Variants in AGAP1 observed in about 807,000 individuals in gnomAD.
The protein encoded by AGAP1 is ArfGAP with GTPase domain, ankyrin repeat and PH domain 1.
Under a neutral mutation model 105.3 loss-of-function variants are expected in AGAP1, and 29 were observed. That is an observed-to-expected ratio of 0.28 (90% confidence interval 0.21 to 0.38). The LOEUF (loss-of-function observed/expected upper bound fraction) is 0.38, where lower values mean the gene tolerates loss of function less well. Among genes scored for constraint, AGAP1 ranks in the 10% least tolerant of loss-of-function variants. The probability of loss-of-function intolerance (pLI) is 1.00; values close to 1 mark genes in which losing one functional copy is unlikely to be tolerated. For synonymous variants in AGAP1, 509 were observed against 485.9 expected, an observed-to-expected ratio of 1.05 and a Z score of -0.63; for missense variants, 998 against 1,165.1, an observed-to-expected ratio of 0.86 and a Z score of 2.09.
chr2:235,996,870 A>T (rs2055838247), intron 13 of AGAP1, among the ~76,000 whole-genome samples: 1 of 152,256 alleles, frequency 6.6e-6, no homozygotes, highest in Admixed American at 6.5e-5. Context: ...AAAGAGATTA[A>T]TCCTTGCCAA....
intron 1 of AGAP1, among the ~76,000 whole-genome samples, chr2:235,580,735 G>GTGCCACTGTC (rs1944903290): frequency 6.6e-6 from 1 of 152,132 alleles, no homozygotes; most frequent in East Asian, 1.9e-4. Flanking sequence ...GTGGCACTTA[G>GTGCCACTGTC]ATGACAGTCA....
chr2:235,792,860 G>A lies in AGAP1; in HGVS notation c.674-4899G>A, dbSNP rs115846251. 4.4e-3 allele frequency among the ~76,000 whole-genome samples: 671 copies of A among 152,272 alleles called. 4 individuals carry two copies. The highest frequency in any genetic ancestry group is 0.02 in the East Asian group (103 of 5,160). On this transcript the variant is annotated intron_variant, in intron 6 of 17. Transcript: ENST00000304032. This position sits in a 1 kb window ranked among gnomAD's most constrained non-coding sequence, Gnocchi z 5.3. ...GGCAGGATGTGAGGCAGAGCTCTTC[G>A]TGGCAGTGGCGATCCTGGGAGCTCC...
chr2:235,771,970 CTTG>C (rs1353278339), intron 6 of AGAP1, among the ~76,000 whole-genome samples: 1 of 143,176 alleles, frequency 7.0e-6, no homozygotes, highest in African/African-American at 2.5e-5. Flanking sequence ...TGACATGTTT[CTTG>C]TTTCTTTTTT....
intron 6 of AGAP1, chr2:235,775,746 C>T (rs1955811699): frequency 6.6e-6 from 1 of 152,154 alleles, no homozygotes; most frequent in South Asian, 2.1e-4. Context: ...TTTACTTTGT[C>T]TTAAATTCTA....
chr2:236,125,410 G>A lies in AGAP1; in HGVS notation c.*1288G>A, dbSNP rs540629767. 8 of 152,360 alleles carry A rather than the reference G, an allele frequency of 5.3e-5. No homozygotes were observed. The highest frequency in any genetic ancestry group is 9.7e-5 in the African/African-American group (4 of 41,394). The allele number at this position is 152,360 out of a possible 1,614,324, so 9.4% of individuals were successfully genotyped here. On this transcript the variant is annotated 3_prime_UTR_variant, in exon 18 of 18. Transcript: ENST00000304032. The surrounding 1 kb of genome is among the most constrained non-coding windows in gnomAD (Gnocchi z 5.2). The stretch of plus-strand genomic sequence containing the variant: ...AAACACTTCCATTAATGTGATCTAC[G>A]GCTTTTGAAAAGGAGCATCTCAGAA...
At position 235,984,350 on chromosome 2, in the gene AGAP1, A is replaced by G. The variant is rs1395675731; in HGVS notation, c.1645+15727A>G. Among the ~76,000 whole-genome samples, 5 of 152,020 alleles carry G rather than the reference A, an allele frequency of 3.3e-5. 1 individual carries two copies. The South Asian group carries it at 6.3e-4, about 19-fold the overall frequency. On this transcript the variant is annotated intron_variant, in intron 13 of 17. Coordinates refer to ENST00000304032, the MANE Select transcript of AGAP1 (RefSeq NM_001037131.3). ...CTGTTATGAAGGATGCTGCGTGAAC[A>G]TTGTCACACAAGTATCTGTTTGAGT...
intron 9 of AGAP1, among the ~76,000 whole-genome samples, chr2:235,863,517 G>A (rs1458402537): frequency 6.6e-6 from 1 of 152,346 alleles, no homozygotes; most frequent in African/African-American, 2.4e-5. Flanking sequence ...ACATGTGGCT[G>A]AGGGTGGCCC....
Position 235,551,791 on chromosome 2 carries a change from CT to C in AGAP1, c.163+56943del, listed in dbSNP as rs1390431544. 6.6e-6 allele frequency among the ~76,000 whole-genome samples: 1 copy of C among 152,190 alleles called. No individual in the cohort carries two copies. The highest frequency in any genetic ancestry group is 1.5e-5 in the Non-Finnish European group (1 of 68,040). ...ATGTTACCTTTGCTCTTCACCTTGACTGGTAGATCCTGAAGGCGTAGAAAGA... is the reference window on the plus strand; with the variant it reads ...ATGTTACCTTTGCTCTTCACCTTGACGGTAGATCCTGAAGGCGTAGAAAGA... On this transcript the variant is annotated intron_variant, in intron 1 of 17. Coordinates refer to ENST00000304032, the MANE Select transcript of AGAP1 (RefSeq NM_001037131.3). The surrounding 1 kb of genome is among the most constrained non-coding windows in gnomAD (Gnocchi z 4.8).
rs1002022458 is a variant in AGAP1, at chr2:236,000,585, G to T, written c.1645+31962G>T. ...CGCACCTGCTCTGTGCAGAGGCTGG[G>T]CGAACACCAGCCCGAGCCTGACTTA... On this transcript the variant is annotated intron_variant, in intron 13 of 17. Coordinates refer to ENST00000304032, the MANE Select transcript of AGAP1 (RefSeq NM_001037131.3). This position sits in a 1 kb window ranked among gnomAD's most constrained non-coding sequence, Gnocchi z 4.3. Among the ~76,000 whole-genome samples, 2 of 152,166 alleles carry T rather than the reference G, an allele frequency of 1.3e-5. No homozygotes were observed. The highest frequency in any genetic ancestry group is 2.4e-5 in the African/African-American group (1 of 41,448).
At chr2:235,825,794 A>G (rs1300317286) in intron 9 of AGAP1, among the ~76,000 whole-genome samples, 2 of 152,220 alleles carry the variant, frequency 1.3e-5, no homozygotes, top group African/African-American at 4.8e-5. Flanking sequence ...GAGACCTACT[A>G]TTTGATAGCA....
At position 236,040,780 on chromosome 2, in the gene AGAP1, G is replaced by A; in HGVS notation, c.1830G>A (p.Met610Ile). ...GGCTGACGAGCCAGAGCGAGGCCAT[G>A]GCCCTGCAGTCGATCCGGAACATGC... ...KSRLTSQSEA[M>I]ALQSIRNMRG... is the part of the protein sequence containing the mutation. Residue 610 changes from methionine to isoleucine, a missense_variant, in exon 15 of 18, where the codon ATG becomes ATA. Met to Ile is a conservative substitution (Grantham distance 10). This residue lies in a region of AGAP1 where 735 missense variants were observed against 833.4 expected (regional missense o/e 0.88). Transcript: ENST00000304032. This position sits in a 1 kb window ranked among gnomAD's most constrained non-coding sequence, Gnocchi z 5.6. The A allele has an allele frequency of 6.2e-7, 1 of 1,613,740 alleles. No homozygotes were observed. Among genetic ancestry groups the A allele is most frequent in the South Asian group, 1.1e-5 (1 of 91,056 alleles).
At position 235,883,446 on chromosome 2, in the gene AGAP1, A is replaced by G. The variant is rs756557494; in HGVS notation, c.1152A>G (p.Leu384=). The part of the protein sequence containing the change: ...DNGVLTYHPS[L]HDYMQNVHGK... The stretch of plus-strand genomic sequence containing the variant: ...GCGTGCTGACCTATCATCCCAGTTT[A>G]CATGTGAGTATAGCCCCCTCGGAGC... Residue 384 remains leucine, a synonymous_variant, in exon 10 of 18, where the codon TTA becomes TTG. Transcript: ENST00000304032. The surrounding 1 kb of genome is among the most constrained non-coding windows in gnomAD (Gnocchi z 4.5). 1 of 1,613,416 alleles carries G rather than the reference A, an allele frequency of 6.2e-7. No individual in the cohort carries two copies. Among genetic ancestry groups the G allele is most frequent in the South Asian group, 1.1e-5 (1 of 91,022 alleles).
At chr2:235,583,442 C>T (rs1039357157) in intron 1 of AGAP1, among the ~76,000 whole-genome samples, 1 of 152,020 alleles carries the variant, frequency 6.6e-6, no homozygotes, top group African/African-American at 2.4e-5. Context: ...TGAACCTATG[C>T]GGCTGCTTCA....
chr2:236,067,749 TC>T (rs1347499143), intron 16 of AGAP1, among the ~76,000 whole-genome samples: 1 of 152,200 alleles, frequency 6.6e-6, no homozygotes, highest in Admixed American at 6.5e-5. Context: ...GTTCCGCACA[TC>T]CTTTCCAGTA....
Position 235,642,116 on chromosome 2 carries a change from C to T in AGAP1, c.164-67063C>T, listed in dbSNP as rs564177718. Reference sequence around the variant, plus strand: ...TGCCTGTGTTTTTACCTTACTTCCCCAGGGGCCCTCCAGAGGGTGCCCATC... The same window carrying T: ...TGCCTGTGTTTTTACCTTACTTCCCTAGGGGCCCTCCAGAGGGTGCCCATC... On this transcript the variant is annotated intron_variant, in intron 1 of 17. Coordinates refer to ENST00000304032, the MANE Select transcript of AGAP1 (RefSeq NM_001037131.3). The surrounding 1 kb of genome is among the most constrained non-coding windows in gnomAD (Gnocchi z 4.1). 6.6e-6 allele frequency among the ~76,000 whole-genome samples: 1 copy of T among 152,342 alleles called. No individual in the cohort carries two copies. The highest frequency in any genetic ancestry group is 2.4e-5 in the African/African-American group (1 of 41,576).
chr2:235,702,374 G>A (rs1186836807), intron 1 of AGAP1, among the ~76,000 whole-genome samples: 2 of 152,226 alleles, frequency 1.3e-5, no homozygotes, highest in Non-Finnish European at 2.9e-5. Flanking sequence ...AAATCCCGAG[G>A]AAGGACGCAG....
At position 235,622,223 on chromosome 2, in the gene AGAP1, C is replaced by A. The variant is rs1338541349; in HGVS notation, c.164-86956C>A. On this transcript the variant is annotated intron_variant, in intron 1 of 17. Transcript: ENST00000304032. The surrounding 1 kb of genome is among the most constrained non-coding windows in gnomAD (Gnocchi z 5.0). ...GCTCTTCCCAATTTTGGGAAAGGAGCCTTCGTCTTTGCTTCCTAGGAATGG... is the reference window on the plus strand; with the variant it reads ...GCTCTTCCCAATTTTGGGAAAGGAGACTTCGTCTTTGCTTCCTAGGAATGG... Among the ~76,000 whole-genome samples, 2 of 152,098 alleles carry A rather than the reference C, an allele frequency of 1.3e-5. No homozygotes were observed. The highest frequency in any genetic ancestry group is 4.8e-5 in the African/African-American group (2 of 41,400).
chr2:235,495,592 G>T (rs1406273852), intron 1 of AGAP1, among the ~76,000 whole-genome samples: 1 of 152,238 alleles, frequency 6.6e-6, no homozygotes. Context: ...CAGGATGCTT[G>T]GGCAGAATCC....
rs1351822374 is a variant in AGAP1, at chr2:236,090,701, T to C, written c.2115-29491T>C. Among the ~76,000 whole-genome samples, 1 of 152,136 alleles carries C rather than the reference T, an allele frequency of 6.6e-6. No individual in the cohort carries two copies. Among genetic ancestry groups the C allele is most frequent in the Non-Finnish European group, 1.5e-5 (1 of 68,028 alleles). The stretch of plus-strand genomic sequence containing the variant: ...TTGCAAACATAATCCTTCCTTGTTT[T>C]TCTTTTGTTGGTGGTGGTTGTGTTT... On this transcript the variant is annotated intron_variant, in intron 16 of 17. Transcript: ENST00000304032. This position sits in a 1 kb window ranked among gnomAD's most constrained non-coding sequence, Gnocchi z 4.3.
Sources: gnomAD v4.1 joint callset for allele counts (sites outside exome capture counted in the v4.1 genomes callset) on GRCh38, gnomAD v4.1.1 for gene constraint, gnomAD v4.1.1 regional missense constraint, Gnocchi (gnomAD v3.1) non-coding constraint, MANE v1.5 for transcripts, NCBI Gene and HGNC (gene_info 2026-07-23, HGNC 2026-07-21) for gene names.